CCDC158: variants seen among roughly 807,000 people sequenced by gnomAD.
CCDC158 encodes the protein coiled-coil domain-containing protein 158.
In CCDC158, 116 loss-of-function variants were observed where a neutral mutation model predicts 138.6. That is an observed-to-expected ratio of 0.84 (90% confidence interval 0.72 to 0.98). The LOEUF (loss-of-function observed/expected upper bound fraction) is 0.98. Among genes scored for constraint, CCDC158 ranks in the 50% least tolerant of loss-of-function variants. The probability of loss-of-function intolerance (pLI) is 0.00; values close to 1 mark genes in which losing one functional copy is unlikely to be tolerated. For synonymous variants in CCDC158, 436 were observed against 442.4 expected, an observed-to-expected ratio of 0.99 and a Z score of 0.18; for missense variants, 1,265 against 1,306.1, an observed-to-expected ratio of 0.97 and a Z score of 0.48.
At chr4:76,395,037 A>G (rs925321223) in intron 4 of CCDC158, among the ~76,000 whole-genome samples, 2 of 152,168 alleles carry the variant, frequency 1.3e-5, no homozygotes, top group African/African-American at 4.8e-5. Context: ...AGTAAAAACA[A>G]AAACCTACAC....
intron 3 of CCDC158, among the ~76,000 whole-genome samples, chr4:76,398,084 T>TA (rs1451512722): frequency 2.6e-5 from 4 of 152,080 alleles, no homozygotes; most frequent in Non-Finnish European, 5.9e-5. Context: ...CACTTTGAAT[T>TA]AAAAAAACAA....
chr4:76,340,595 A>G (rs1019986803), intron 18 of CCDC158, among the ~76,000 whole-genome samples: 2 of 152,248 alleles, frequency 1.3e-5, no homozygotes, highest in South Asian at 2.1e-4. Flanking sequence ...TGTTTTCTGC[A>G]GTGACAGCAA....
At chr4:76,384,486 A>G (rs1397555850) in intron 5 of CCDC158, 70 bp downstream of exon 5, 5 of 1,539,686 alleles carry the variant, frequency 3.2e-6, no homozygotes, top group Non-Finnish European at 4.4e-6. Context: ...TTTACTACAA[A>G]CAGTAAAACT....
intron 4 of CCDC158, among the ~76,000 whole-genome samples, chr4:76,390,823 G>A (rs1446365244): frequency 6.6e-6 from 1 of 152,004 alleles, no homozygotes; most frequent in Non-Finnish European, 1.5e-5. Context: ...AAAAAGAGCA[G>A]ATGTAGCTAT....
intron 4 of CCDC158, among the ~76,000 whole-genome samples, chr4:76,395,896 T>C (rs935731578): frequency 6.6e-5 from 10 of 152,200 alleles, no homozygotes; most frequent in African/African-American, 2.4e-4. Flanking sequence ...ACCTACCCTC[T>C]ACCATTGCTT....
chr4:76,411,356 C>T (rs1314826203), intron 2 of CCDC158, among the ~76,000 whole-genome samples: 2 of 152,046 alleles, frequency 1.3e-5, no homozygotes, highest in Non-Finnish European at 2.9e-5. Context: ...CAGCCATGAT[C>T]ACCACTGCAC....
chr4:76,394,498 G>A (rs938596465), intron 4 of CCDC158, among the ~76,000 whole-genome samples: 4 of 152,004 alleles, frequency 2.6e-5, no homozygotes, highest in Admixed American at 2.0e-4. Context: ...TAGTGGGGGA[G>A]TGAAGGAGAA....
At chr4:76,333,130 G>A (rs766796038) in intron 19 of CCDC158, among the ~76,000 whole-genome samples, 29 of 152,056 alleles carry the variant, frequency 1.9e-4, no homozygotes, top group Non-Finnish European at 3.8e-4. Context: ...TAAGGTAACT[G>A]GACTGTTACT....
intron 3 of CCDC158, among the ~76,000 whole-genome samples, chr4:76,399,825 G>A (rs1728179987): frequency 6.6e-6 from 1 of 152,186 alleles, no homozygotes; most frequent in Admixed American, 6.5e-5. Flanking sequence ...AGATATGAAT[G>A]AGCAGGGTGA....
chr4:76,392,786 T>C (rs1463769459), intron 4 of CCDC158, among the ~76,000 whole-genome samples: 1 of 151,964 alleles, frequency 6.6e-6, no homozygotes, highest in Non-Finnish European at 1.5e-5. Flanking sequence ...GCAAATTCAG[T>C]CAAGTTGCAG....
At chr4:76,316,036 A>G (rs889490897) in intron 24 of CCDC158, among the ~76,000 whole-genome samples, 2 of 152,200 alleles carry the variant, frequency 1.3e-5, no homozygotes, top group African/African-American at 4.8e-5. Flanking sequence ...GCGATTCTGG[A>G]AATATGACAA....
chr4:76,400,860 G>C (rs925431025), intron 3 of CCDC158, among the ~76,000 whole-genome samples: 1 of 152,110 alleles, frequency 6.6e-6, no homozygotes, highest in African/African-American at 2.4e-5. Context: ...ATAATAAAGG[G>C]GAAAGGAAGT....
chr4:76,395,354 T>G (rs1464876467), intron 4 of CCDC158, among the ~76,000 whole-genome samples: 2 of 152,158 alleles, frequency 1.3e-5, no homozygotes, highest in African/African-American at 4.8e-5. Flanking sequence ...GTAGATTTTT[T>G]TTTCCTAAAA....
rs554427211 is a variant in CCDC158, at chr4:76,357,373, C to T, written c.2173+1G>A. 159 of 1,526,424 alleles carry T rather than the reference C, an allele frequency of 1.0e-4. No individual in the cohort carries two copies. The highest frequency in any genetic ancestry group is 5.6e-4 in the South Asian group (41 of 72,988). The allele number at this position is 1,526,424 out of a possible 1,614,324, so 94.6% of individuals were successfully genotyped here. On this transcript the variant is annotated splice_donor_variant, in intron 14 of 24. Transcript: ENST00000682701. LOFTEE classifies it high-confidence loss of function. ...AAAATTTTAAATCTAACAGAGCATA[C>T]CATGACCATCAGATCCTTCCATTGA...
chr4:76,361,043 G>A (rs1724080997), intron 13 of CCDC158, among the ~76,000 whole-genome samples: 1 of 152,138 alleles, frequency 6.6e-6, no homozygotes, highest in South Asian at 2.1e-4. Context: ...CCCCTTTGCT[G>A]TTCTCATGAC....
intron 16 of CCDC158, chr4:76,352,235 C>T (rs188398497): frequency 6.3e-4 from 96 of 153,264 alleles, no homozygotes; most frequent in Admixed American, 2.2e-3. Context: ...GGTGAAACCC[C>T]GTCTCTACTA....
chr4:76,354,894 T>C (rs1259395797), intron 15 of CCDC158, among the ~76,000 whole-genome samples: 1 of 152,250 alleles, frequency 6.6e-6, no homozygotes, highest in Non-Finnish European at 1.5e-5. Flanking sequence ...AACAATTTAG[T>C]ATGTGTAAAA....
At chr4:76,371,767 G>A (rs550261498) in intron 9 of CCDC158, among the ~76,000 whole-genome samples, 51 of 152,060 alleles carry the variant, frequency 3.4e-4, no homozygotes, top group African/African-American at 1.2e-3. Flanking sequence ...GCAAAATCCC[G>A]TCTCTACTAA....
chr4:76,354,112 T>C (rs1723305185), intron 15 of CCDC158, among the ~76,000 whole-genome samples: 1 of 151,724 alleles, frequency 6.6e-6, no homozygotes, highest in Non-Finnish European at 1.5e-5. Context: ...GGGAATATCT[T>C]AGAGCTACGA....
Sources: gnomAD v4.1 joint callset for allele counts (sites outside exome capture counted in the v4.1 genomes callset) on GRCh38, gnomAD v4.1.1 for gene constraint, MANE v1.5 for transcripts, NCBI Gene and HGNC (gene_info 2026-07-23, HGNC 2026-07-21) for gene names.